SLC4A8: variants seen among roughly 807,000 people sequenced by gnomAD.
SLC4A8 encodes electroneutral sodium bicarbonate exchanger 1.
In SLC4A8, 40 loss-of-function variants were observed where a neutral mutation model predicts 125.0. The observed-to-expected ratio is 0.32, with a 90% CI of 0.25 to 0.42. SLC4A8 has a LOEUF of 0.42. SLC4A8 is among the 10% of genes least tolerant of loss of function. The pLI, the probability that SLC4A8 is intolerant of heterozygous loss-of-function variation, is 1.00. For missense variants in SLC4A8, 863 were observed against 1,355.1 expected (o/e 0.64, Z 5.70); for synonymous variants, 456 against 476.0 (o/e 0.96, Z 0.55).
rs1412218478 is a variant in SLC4A8, at chr12:51,504,010, A to C, written c.3082-19A>C. 6.9e-7 allele frequency: 1 copy of C among 1,440,184 alleles called. No individual in the cohort carries two copies. The highest frequency in any genetic ancestry group is 9.6e-7 in the Non-Finnish European group (1 of 1,041,698). The allele number at this position is 1,440,184 out of a possible 1,614,324, so 89.2% of individuals were successfully genotyped here. A position where few individuals can be genotyped will look rare whatever the true frequency, so the allele number is the denominator to read the frequency against. On this transcript the variant is annotated intron_variant, in intron 22 of 24. Transcript: ENST00000453097. ...GTCTTACTTGGTCCAAGATATAATAATGTTTCTTTTTCTTCCAGGAGGCTG... is the reference window on the plus strand; with the variant it reads ...GTCTTACTTGGTCCAAGATATAATACTGTTTCTTTTTCTTCCAGGAGGCTG...
chr12:51,503,998 C>A, intron 22 of SLC4A8, 31 bp from the exon 23 acceptor site: 1 of 1,316,476 alleles, frequency 7.6e-7, no homozygotes, highest in Non-Finnish European at 1.1e-6. Context: ...TTACTTGGTC[C>A]AAGATATAAT....
At chr12:51,495,172 T>C (rs1041278780) in intron 21 of SLC4A8, 54 bp downstream of exon 21, 11 of 1,418,204 alleles carry the variant, frequency 7.8e-6, no homozygotes, top group Non-Finnish European at 1.1e-5. Flanking sequence ...TTTTTAGTGG[T>C]AAAATATTAT....
intron 4 of SLC4A8, among the ~76,000 whole-genome samples, chr12:51,452,521 G>A (rs890107826): frequency 6.6e-6 from 1 of 152,138 alleles, no homozygotes; most frequent in Non-Finnish European, 1.5e-5. Context: ...CATTTGTTTG[G>A]GGCTCAGAGT....
chr12:51,474,254 C>A, intron 14 of SLC4A8, 88 bp from the exon 15 acceptor site: 2 of 822,208 alleles, frequency 2.4e-6, no homozygotes, highest in Non-Finnish European at 1.9e-6. Context: ...AAGGCAGCTC[C>A]TGACAGCCTT....
chr12:51,426,130 G>A (rs1328274494), intron 1 of SLC4A8, among the ~76,000 whole-genome samples: 1 of 152,174 alleles, frequency 6.6e-6, no homozygotes, highest in African/African-American at 2.4e-5. Context: ...TGGTTTCCCC[G>A]AGGAGGCAGG....
At position 51,507,606 on chromosome 12, in the gene SLC4A8, A is replaced by G. The variant is rs7305599; in HGVS notation, c.*168A>G. 256,096 of 480,394 alleles carry G rather than the reference A, an allele frequency of 0.53. 68,586 individuals carry two copies. The highest frequency in any genetic ancestry group is 0.57 in the African/African-American group (29,067 of 50,626). 29.8% of individuals were successfully genotyped at this position (480,394 alleles called of 1,614,324 possible). A position where few individuals can be genotyped will look rare whatever the true frequency, so the allele number is the denominator to read the frequency against. On this transcript the variant is annotated 3_prime_UTR_variant, in exon 25 of 25. Coordinates refer to ENST00000453097, the MANE Select transcript of SLC4A8 (RefSeq NM_001039960.3). ...TCAGTTATTCTTGGTGTGCATTGGA[A>G]GGCATCCAGCTATCCCCATACCAGC...
intron 17 of SLC4A8, 90 bp downstream of exon 17, chr12:51,485,990 C>T (rs1458023023): frequency 2.6e-6 from 2 of 755,326 alleles, no homozygotes; most frequent in Non-Finnish European, 4.6e-6. Context: ...ATATCCTAAT[C>T]CTGAGTTTTA....
chr12:51,445,346 T>C (rs1286784800), intron 2 of SLC4A8, among the ~76,000 whole-genome samples: 2 of 152,070 alleles, frequency 1.3e-5, no homozygotes, highest in Admixed American at 6.5e-5. Flanking sequence ...TTTTTTATTT[T>C]TTATAGAGGT....
At chr12:51,423,676 A>G (rs916866009), upstream of SLC4A8, among the ~76,000 whole-genome samples, 2 of 152,132 alleles carry the variant, frequency 1.3e-5, no homozygotes, top group African/African-American at 4.8e-5. Context: ...ATTATTTGCA[A>G]CAATTCTTCC....
chr12:51,486,436 AATC>A (rs1951163088), intron 17 of SLC4A8, among the ~76,000 whole-genome samples: 1 of 152,218 alleles, frequency 6.6e-6, no homozygotes, highest in South Asian at 2.1e-4. Context: ...TCTCTTTCGA[AATC>A]ATCTCAATCT....
chr12:51,504,869 C>T (rs1298695127), intron 23 of SLC4A8, among the ~76,000 whole-genome samples: 1 of 152,164 alleles, frequency 6.6e-6, no homozygotes, highest in East Asian at 1.9e-4. Context: ...TTACTCCTAG[C>T]ATCTTGTTTC....
chr12:51,461,524 T>G, intron 9 of SLC4A8: 1 of 395,674 alleles, frequency 2.5e-6, no homozygotes, highest in Non-Finnish European at 4.6e-6. Flanking sequence ...AGAGAAATCT[T>G]TTTCTGGGGA....
intron 16 of SLC4A8, among the ~76,000 whole-genome samples, chr12:51,481,566 G>A (rs983627458): frequency 1.3e-5 from 2 of 152,100 alleles, no homozygotes; most frequent in East Asian, 3.8e-4. Flanking sequence ...GAGACAGCAG[G>A]GGGCAGGGGC....
At chr12:51,449,102 G>C (rs991525402) in intron 2 of SLC4A8, among the ~76,000 whole-genome samples, 47 of 152,166 alleles carry the variant, frequency 3.1e-4, no homozygotes, top group African/African-American at 1.1e-3. Flanking sequence ...GAGCAAGCCA[G>C]ACTGAGGAAG....
At chr12:51,482,828 T>A (rs1376620826) in intron 16 of SLC4A8, among the ~76,000 whole-genome samples, 1 of 152,192 alleles carries the variant, frequency 6.6e-6, no homozygotes, top group African/African-American at 2.4e-5. Flanking sequence ...AGGAGCACTA[T>A]GTGGCACAGA....
chr12:51,467,846 G>C (rs556751600), intron 11 of SLC4A8, among the ~76,000 whole-genome samples: 2 of 151,890 alleles, frequency 1.3e-5, no homozygotes, highest in African/African-American at 4.8e-5. Context: ...AAATACTTCA[G>C]TATGCATCTC....
At chr12:51,430,769 A>T (rs988197818) in intron 1 of SLC4A8, among the ~76,000 whole-genome samples, 1 of 152,240 alleles carries the variant, frequency 6.6e-6, no homozygotes, top group African/African-American at 2.4e-5. Flanking sequence ...AATTGTGTCT[A>T]TTCTAAATCT....
At chr12:51,455,565 T>C (rs150330992) in intron 5 of SLC4A8, among the ~76,000 whole-genome samples, 2 of 152,308 alleles carry the variant, frequency 1.3e-5, no homozygotes, top group African/African-American at 4.8e-5. Flanking sequence ...CTGATGTGAT[T>C]GAGTGTTAAG....
At chr12:51,458,724 A>C in intron 7 of SLC4A8, 74 bp downstream of exon 7, 1 of 1,064,508 alleles carries the variant, frequency 9.4e-7, no homozygotes. Context: ...TAATTGCTGG[A>C]ATCTGGGTAA....
Sources: gnomAD v4.1 joint callset for allele counts (sites outside exome capture counted in the v4.1 genomes callset) on GRCh38, gnomAD v4.1.1 for gene constraint, MANE v1.5 for transcripts, NCBI Gene and HGNC (gene_info 2026-07-23, HGNC 2026-07-21) for gene names.